Variants in ZBTB20 observed in about 807,000 individuals in gnomAD.
ZBTB20 encodes zinc finger and BTB domain-containing protein 20.
Under a neutral mutation model 56.9 loss-of-function variants are expected in ZBTB20, and 9 were observed. That is an observed-to-expected ratio of 0.16 (90% CI 0.10 to 0.28). The LOEUF is 0.28. Among genes scored for constraint, ZBTB20 ranks in the 10% least tolerant of loss-of-function variants. ZBTB20 has a pLI of 1.00. For missense variants in ZBTB20, 655 were observed against 1,003.0 expected (o/e 0.65, Z 4.69); for synonymous variants, 417 against 420.7 (o/e 0.99, Z 0.11).
intron 7 of ZBTB20, among the ~76,000 whole-genome samples, chr3:114,474,298 C>A (rs1292192643): frequency 6.6e-6 from 1 of 152,162 alleles, no homozygotes; most frequent in Non-Finnish European, 1.5e-5. Flanking sequence ...TAGCTATATC[C>A]CAAACTAGTT....
intron 3 of ZBTB20, among the ~76,000 whole-genome samples, chr3:114,950,879 T>C (rs113471791): frequency 4.5e-4 from 69 of 152,228 alleles, no homozygotes; most frequent in African/African-American, 1.6e-3. Flanking sequence ...CAAGCACATG[T>C]AAATGCAACA....
At chr3:114,728,217 A>C (rs1241164422) in intron 5 of ZBTB20, among the ~76,000 whole-genome samples, 1 of 152,178 alleles carries the variant, frequency 6.6e-6, no homozygotes, top group Non-Finnish European at 1.5e-5. Flanking sequence ...CGTAACACTC[A>C]TAAGAAGGAG....
chr3:115,077,810 G>A (rs1016957395), intron 1 of ZBTB20, among the ~76,000 whole-genome samples: 4 of 152,108 alleles, frequency 2.6e-5, no homozygotes, highest in Admixed American at 6.5e-5. Flanking sequence ...GAAGCACTAT[G>A]GAAGATAGTC....
chr3:114,827,184 G>A (rs552271852), intron 4 of ZBTB20, among the ~76,000 whole-genome samples: 38 of 151,676 alleles, frequency 2.5e-4, no homozygotes, highest in Non-Finnish European at 4.9e-4. Context: ...GCTAAGATCA[G>A]GCTTGCTTTG....
intron 7 of ZBTB20, among the ~76,000 whole-genome samples, chr3:114,428,254 G>A (rs2108868840): frequency 6.6e-6 from 1 of 152,030 alleles, no homozygotes; most frequent in East Asian, 1.9e-4. Context: ...TTCACAATGG[G>A]GACAATCAGA....
chr3:114,828,689 G>C (rs1019317816), intron 4 of ZBTB20, among the ~76,000 whole-genome samples: 37 of 151,804 alleles, frequency 2.4e-4, no homozygotes, highest in African/African-American at 8.9e-4. Flanking sequence ...ATTATGCAGG[G>C]TGATGTTCTT....
intron 1 of ZBTB20, among the ~76,000 whole-genome samples, chr3:115,136,466 A>G (rs1248914839): frequency 6.6e-6 from 1 of 152,024 alleles, no homozygotes; most frequent in African/African-American, 2.4e-5. Flanking sequence ...AAGGAACTGC[A>G]GTTAAGTGTA....
intron 6 of ZBTB20, among the ~76,000 whole-genome samples, chr3:114,517,251 T>TTA (rs2046107892): frequency 6.6e-6 from 1 of 152,234 alleles, no homozygotes; most frequent in South Asian, 2.1e-4. Context: ...GAGGATAACA[T>TTA]TATTGGCAGA....
intron 5 of ZBTB20, among the ~76,000 whole-genome samples, chr3:114,695,059 C>T (rs544410702): frequency 1.4e-4 from 22 of 152,112 alleles, no homozygotes; most frequent in Admixed American, 1.1e-3. Flanking sequence ...TATGATGGTA[C>T]TATTATGTGC....
At chr3:114,985,552 T>C (rs1048798266) in intron 2 of ZBTB20, among the ~76,000 whole-genome samples, 1 of 152,162 alleles carries the variant, frequency 6.6e-6, no homozygotes, top group African/African-American at 2.4e-5. Context: ...AAACTTTTGA[T>C]ATGTCATTAT....
intron 6 of ZBTB20, among the ~76,000 whole-genome samples, chr3:114,682,573 A>T (rs1175043868): frequency 6.6e-6 from 1 of 152,014 alleles, no homozygotes; most frequent in Non-Finnish European, 1.5e-5. Flanking sequence ...TAATTGATGA[A>T]TTCAAAACTA....
chr3:114,505,621 C>A (rs1379258900), intron 6 of ZBTB20, among the ~76,000 whole-genome samples: 2 of 152,066 alleles, frequency 1.3e-5, no homozygotes, highest in Admixed American at 1.3e-4. Flanking sequence ...TGTTTGTTTT[C>A]TATCGGTAGA....
rs201821785 is a variant in ZBTB20 at position 115,081,559 on chromosome 3, TTATAC to T, written c.-702-10150_-702-10146del. Among the ~76,000 whole-genome samples the T allele has an allele frequency of 8.0e-3, 1,220 of 152,210 alleles. 6 individuals are homozygous for T. The highest frequency in any genetic ancestry group is 0.034 in the Middle Eastern group (10 of 294). On this transcript the variant is annotated intron_variant, in intron 1 of 11. Transcript: ENST00000675478. ...AAGGGCCCTTAATAGATATTTAGAT[TTATAC>T]TATAATTAAAAAATAATAATAATGC...
intron 7 of ZBTB20, among the ~76,000 whole-genome samples, chr3:114,404,477 C>T (rs569457723): frequency 4.4e-4 from 67 of 152,170 alleles, no homozygotes; most frequent in Middle Eastern, 3.4e-3. Flanking sequence ...AACATCCTAA[C>T]GCCGAGGGGA....
intron 6 of ZBTB20, among the ~76,000 whole-genome samples, chr3:114,519,461 C>T (rs1454731304): frequency 1.3e-5 from 2 of 151,622 alleles, no homozygotes; most frequent in African/African-American, 4.9e-5. Context: ...CAGTAATGTG[C>T]CTTTAGAGAG....
At chr3:114,492,220 C>A (rs1187169463) in intron 7 of ZBTB20, among the ~76,000 whole-genome samples, 1 of 152,160 alleles carries the variant, frequency 6.6e-6, no homozygotes, top group South Asian at 2.1e-4. Context: ...GATTCATTTA[C>A]CACTATATGT....
intron 5 of ZBTB20, among the ~76,000 whole-genome samples, chr3:114,714,521 T>C (rs1473937243): frequency 6.6e-6 from 1 of 151,314 alleles, no homozygotes; most frequent in Non-Finnish European, 1.5e-5. Context: ...TTTATAGTCT[T>C]CTCTCACCAA....
At position 115,014,225 on chromosome 3, in the gene ZBTB20, T is replaced by C. The variant is rs1267802712; in HGVS notation, c.-506-39809A>G. On this transcript the variant is annotated intron_variant, in intron 2 of 11. Coordinates refer to ENST00000675478, the MANE Select transcript of ZBTB20 (RefSeq NM_001348800.3). Reference sequence around the variant, plus strand: ...AGCTAAAATTAAAATAATTGAACCATAGAGATAAAGAGAAGGATGGCTATC... The same window carrying C: ...AGCTAAAATTAAAATAATTGAACCACAGAGATAAAGAGAAGGATGGCTATC... 2.6e-5 allele frequency among the ~76,000 whole-genome samples: 4 copies of C among 151,518 alleles called. No individual in the cohort carries two copies. The East Asian group carries it at 5.9e-4, about 22-fold the overall frequency.
chr3:114,851,081 C>G (rs538112497), intron 4 of ZBTB20, among the ~76,000 whole-genome samples: 1 of 152,328 alleles, frequency 6.6e-6, no homozygotes, highest in Non-Finnish European at 1.5e-5. Context: ...CAGAAGAAAT[C>G]TGTGTGAGGG....
Sources: gnomAD v4.1 joint callset for allele counts (sites outside exome capture counted in the v4.1 genomes callset) on GRCh38, gnomAD v4.1.1 for gene constraint, MANE v1.5 for transcripts, NCBI Gene and HGNC (gene_info 2026-07-23, HGNC 2026-07-21) for gene names.